The following SGCD variants were observed in gnomAD, a reference collection of about 807,000 sequenced individuals.
The protein encoded by SGCD is sarcoglycan delta, also known as delta-sarcoglycan.
In SGCD, 18 loss-of-function variants were observed where a neutral mutation model predicts 36.6. The ratio of observed to expected loss-of-function variants is 0.49; its 90% CI spans 0.34 to 0.73. The LOEUF is 0.73. SGCD is among the 30% of genes least tolerant of loss of function. The pLI is 0.01. For synonymous variants in SGCD, 133 were observed against 130.6 expected (o/e 1.02, Z -0.12); for missense variants, 387 against 346.7 (o/e 1.12, Z -0.92).
At chr5:156,173,768 T>C (rs1003538227) in intron 3 of SGCD, among the ~76,000 whole-genome samples, 7 of 152,174 alleles carry the variant, frequency 4.6e-5, no homozygotes, top group Non-Finnish European at 8.8e-5. Flanking sequence ...AATGAAGTAA[T>C]AACTTCTTGT....
In SGCD at chr5:156,050,388, A is replaced by G. The variant is rs927546074; in HGVS notation, c.-281-67490A>G. 1.4e-5 allele frequency among the ~76,000 whole-genome samples: 2 copies of G among 146,664 alleles called. 1 individual carries two copies. The highest frequency in any genetic ancestry group is 3.1e-5 in the Non-Finnish European group (2 of 64,994). On this transcript the variant is annotated intron_variant, in intron 1 of 9. Coordinates refer to the SGCD transcript ENST00000517913. ...TAATAAAGTATTCTTTAAATTATAA[A>G]GGGTACATTTTTTATACCTAATGCT...
At chr5:156,711,871 C>T (rs1755009388) in intron 7 of SGCD, among the ~76,000 whole-genome samples, 1 of 152,176 alleles carries the variant, frequency 6.6e-6, no homozygotes, top group Admixed American at 6.5e-5. Context: ...ATGGCTACTC[C>T]ATAGACGGAG....
At chr5:156,556,136 C>A (rs369814704) in intron 4 of SGCD, among the ~76,000 whole-genome samples, 65 of 132,644 alleles carry the variant, frequency 4.9e-4, no homozygotes, top group African/African-American at 1.6e-3. Flanking sequence ...AAAAAAAAAA[C>A]CCAGGTATTA....
intron 7 of SGCD, among the ~76,000 whole-genome samples, chr5:156,691,138 T>C (rs1293742010): frequency 1.5e-5 from 2 of 134,530 alleles, no homozygotes; most frequent in Non-Finnish European, 3.0e-5. Context: ...ACCTAGGAAG[T>C]GGAGGTTGCA....
intron 1 of SGCD, among the ~76,000 whole-genome samples, chr5:155,970,431 A>T (rs931741430): frequency 3.9e-5 from 6 of 152,192 alleles, no homozygotes; most frequent in Non-Finnish European, 7.3e-5. Flanking sequence ...ATTATGTGTT[A>T]AAAATGATTC....
the SGCD span, among the ~76,000 whole-genome samples, chr5:155,745,452 CT>C: frequency 5.9e-5 from 9 of 152,104 alleles, no homozygotes; most frequent in Non-Finnish European, 1.0e-4. Context: ...CTCTCTCTCC[CT>C]TTCTATTTCT....
chr5:156,347,595 C>T (rs2127719288), intron 3 of SGCD, among the ~76,000 whole-genome samples: 1 of 152,260 alleles, frequency 6.6e-6, no homozygotes, highest in Admixed American at 6.5e-5. Context: ...TTGGCTAGTA[C>T]TCATGTATAC....
intron 7 of SGCD, among the ~76,000 whole-genome samples, chr5:156,694,461 A>T (rs1754230516): frequency 6.6e-6 from 1 of 151,952 alleles, no homozygotes; most frequent in South Asian, 2.1e-4. Flanking sequence ...TACAATTTTT[A>T]ATTTTTTTTT....
chr5:156,307,217 T>G (rs569893147), intron 3 of SGCD, among the ~76,000 whole-genome samples: 11 of 152,186 alleles, frequency 7.2e-5, no homozygotes, highest in African/African-American at 2.4e-4. Context: ...AAAATTATTT[T>G]TTGTACTTTT....
intron 3 of SGCD, among the ~76,000 whole-genome samples, chr5:156,257,286 A>C (rs1765738791): frequency 6.6e-6 from 1 of 151,834 alleles, no homozygotes. Context: ...CATCCTGGCT[A>C]ACACGGTGAA....
At chr5:156,221,219 G>A (rs1764709478) in intron 3 of SGCD, among the ~76,000 whole-genome samples, 1 of 152,176 alleles carries the variant, frequency 6.6e-6, no homozygotes, top group Non-Finnish European at 1.5e-5. Context: ...CAAGATCATG[G>A]GGGTGGCACC....
the SGCD span, among the ~76,000 whole-genome samples, chr5:155,743,977 G>A: frequency 2.0e-4 from 30 of 152,266 alleles, 1 homozygote; most frequent in South Asian, 4.6e-3. Context: ...TCCAACAAAA[G>A]CAATAGTAAA....
chr5:156,474,355 T>C (rs932699513), intron 3 of SGCD, among the ~76,000 whole-genome samples: 1 of 152,232 alleles, frequency 6.6e-6, no homozygotes, highest in Non-Finnish European at 1.5e-5. Flanking sequence ...ACCCAGGCAC[T>C]CTAGGCTGTG....
At chr5:156,459,929 A>G (rs1754413172) in intron 3 of SGCD, among the ~76,000 whole-genome samples, 1 of 151,996 alleles carries the variant, frequency 6.6e-6, no homozygotes, top group African/African-American at 2.4e-5. Flanking sequence ...TCTTTAGATA[A>G]CCCCTCCTCC....
intron 1 of SGCD, among the ~76,000 whole-genome samples, chr5:155,981,134 G>A (rs1352487603): frequency 2.0e-5 from 3 of 152,186 alleles, no homozygotes; most frequent in African/African-American, 7.2e-5. Context: ...TGAGGGCTGG[G>A]AAGAGGACCT....
At chr5:156,006,688 G>A (rs1758765689) in intron 1 of SGCD, among the ~76,000 whole-genome samples, 1 of 151,984 alleles carries the variant, frequency 6.6e-6, no homozygotes. Flanking sequence ...ACAATAACTG[G>A]TTGGGGCAAA....
chr5:155,866,064 C>T (rs1287987261), upstream of SGCD, among the ~76,000 whole-genome samples: 3 of 152,242 alleles, frequency 2.0e-5, no homozygotes, highest in African/African-American at 4.8e-5. Flanking sequence ...TTTCTTGAGG[C>T]GGCTGTTATA....
intron 2 of SGCD, among the ~76,000 whole-genome samples, chr5:156,123,412 G>A (rs1762094176): frequency 6.6e-6 from 1 of 152,108 alleles, no homozygotes; most frequent in Admixed American, 6.6e-5. Context: ...TACCTTAGAA[G>A]TCAAGAGAGG....
At chr5:156,236,852 T>G (rs1194561046) in intron 3 of SGCD, among the ~76,000 whole-genome samples, 1 of 151,746 alleles carries the variant, frequency 6.6e-6, no homozygotes, top group Admixed American at 6.6e-5. Flanking sequence ...TTTTTTTTTT[T>G]TAAGATAGTC....
Sources: gnomAD v4.1 joint callset for allele counts (sites outside exome capture counted in the v4.1 genomes callset) on GRCh38, gnomAD v4.1.1 for gene constraint, MANE v1.5 for transcripts, NCBI Gene and HGNC (gene_info 2026-07-23, HGNC 2026-07-21) for gene names.